Variants in KCNC2 observed in about 807,000 individuals in gnomAD.
KCNC2 encodes potassium voltage-gated channel subfamily C member 2.
A neutral mutation model predicts 44.5 loss-of-function variants in KCNC2; 21 were observed. The ratio of observed to expected loss-of-function variants is 0.47; its 90% CI spans 0.33 to 0.68. The LOEUF is 0.68. Ranked by LOEUF, KCNC2 falls within the 30% of genes least tolerant of loss-of-function variation. The probability of loss-of-function intolerance (pLI) is 0.01; values close to 1 mark genes in which losing one functional copy is unlikely to be tolerated. For synonymous variants in KCNC2, 391 were observed against 339.1 expected (o/e 1.15, Z -1.68); for missense variants, 589 against 826.2 (o/e 0.71, Z 3.52).
intron 2 of KCNC2, among the ~76,000 whole-genome samples, chr12:75,069,527 C>T (rs1211137904): frequency 6.6e-6 from 1 of 152,086 alleles, no homozygotes; most frequent in African/African-American, 2.4e-5. Flanking sequence ...TAAGATTTCA[C>T]CATACGATAT....
At chr12:75,060,212 TC>T (rs1417390645) in intron 2 of KCNC2, among the ~76,000 whole-genome samples, 2 of 152,118 alleles carry the variant, frequency 1.3e-5, no homozygotes, top group Admixed American at 6.6e-5. Flanking sequence ...GAATCCTTTT[TC>T]TTCCCCAACA....
intron 2 of KCNC2, among the ~76,000 whole-genome samples, chr12:75,115,826 T>C (rs1393817996): frequency 1.3e-5 from 2 of 152,156 alleles, no homozygotes; most frequent in Non-Finnish European, 2.9e-5. Context: ...ATGAGAGCTC[T>C]GGACACCCTC....
chr12:75,181,965 G>A (rs1366018770), intron 2 of KCNC2, among the ~76,000 whole-genome samples: 1 of 76,010 alleles, frequency 1.3e-5, no homozygotes, highest in South Asian at 4.9e-4. Flanking sequence ...GTAGAGACAA[G>A]GCTTCACCAT....
At chr12:75,158,912 C>T (rs1890937111) in intron 2 of KCNC2, among the ~76,000 whole-genome samples, 1 of 148,966 alleles carries the variant, frequency 6.7e-6, no homozygotes, top group Non-Finnish European at 1.5e-5. Flanking sequence ...AGTTATGCAA[C>T]AGGGATGACA....
chr12:75,136,651 T>A (rs1263705633), intron 2 of KCNC2, among the ~76,000 whole-genome samples: 16 of 151,848 alleles, frequency 1.1e-4, no homozygotes, highest in Admixed American at 9.8e-4. Flanking sequence ...AGACCAATAA[T>A]GAGTAATAAG....
chr12:75,050,498 C>A lies in KCNC2; in HGVS notation c.1507G>T (p.Ala503Ser). The A allele has an allele frequency of 6.2e-7, 1 of 1,613,578 alleles. No individual in the cohort carries two copies. The change falls in exon 3 of 5, where the codon GCA becomes TCA. Residue 503 changes from alanine (A) to serine (S), a missense_variant. Physicochemically the swap from Ala to Ser is moderately conservative, Grantham distance 99. Around this residue, in one of 7 missense-constraint regions of KCNC2, gnomAD observed 171 missense variants for 182.4 expected, o/e 0.94. Coordinates refer to ENST00000549446, the MANE Select transcript of KCNC2 (RefSeq NM_139137.4). ...GTCTTGCAAAAAGTAGGTGAGCTTG[C>A]CTGAGGAGCAGGAGGGATGTGCTTC... ...RKKHIPPAPQASSPTFCKTEL... is the reference protein window; with the variant it reads ...RKKHIPPAPQSSSPTFCKTEL...
intron 2 of KCNC2, among the ~76,000 whole-genome samples, chr12:75,072,657 A>G (rs1162149953): frequency 6.6e-6 from 1 of 152,166 alleles, no homozygotes; most frequent in Non-Finnish European, 1.5e-5. Context: ...GTCACTTAGT[A>G]TTAACTTTTC....
chr12:75,208,101 G>T, intron 1 of KCNC2, 99 bp from the exon 2 acceptor site: 2 of 1,431,090 alleles, frequency 1.4e-6, no homozygotes, highest in South Asian at 2.4e-5. Context: ...GGGATGCAGA[G>T]TTGGCAGACA....
At chr12:75,177,405 G>A (rs1189379441) in intron 2 of KCNC2, among the ~76,000 whole-genome samples, 1 of 151,908 alleles carries the variant, frequency 6.6e-6, no homozygotes, top group East Asian at 1.9e-4. Flanking sequence ...GAATTGGAAG[G>A]AACTTTTGGA....
chr12:75,147,481 A>C (rs1034238946), intron 2 of KCNC2, among the ~76,000 whole-genome samples: 3 of 152,216 alleles, frequency 2.0e-5, no homozygotes, highest in Non-Finnish European at 1.5e-5. Context: ...TGTGAAAATA[A>C]AATTAAAACA....
At chr12:75,168,776 AG>A (rs1302434665) in intron 2 of KCNC2, among the ~76,000 whole-genome samples, 1 of 151,602 alleles carries the variant, frequency 6.6e-6, no homozygotes, top group Non-Finnish European at 1.5e-5. Context: ...AGTCTATGAA[AG>A]TGACTTAGAA....
At chr12:75,154,918 A>T (rs1430481853) in intron 2 of KCNC2, among the ~76,000 whole-genome samples, 2 of 151,718 alleles carry the variant, frequency 1.3e-5, no homozygotes, top group Admixed American at 1.3e-4. Flanking sequence ...TGAAAAACTA[A>T]TTTTTTTTCT....
At chr12:75,062,667 A>AT (rs940929653) in intron 2 of KCNC2, among the ~76,000 whole-genome samples, 1 of 151,856 alleles carries the variant, frequency 6.6e-6, no homozygotes, top group African/African-American at 2.4e-5. Flanking sequence ...TTTCAGCTAG[A>AT]TTTTTTTTAA....
intron 2 of KCNC2, among the ~76,000 whole-genome samples, chr12:75,172,037 G>A (rs908155350): frequency 3.3e-5 from 5 of 151,618 alleles, no homozygotes; most frequent in African/African-American, 9.7e-5. Context: ...AAAATAAATA[G>A]CCATCACCAT....
At chr12:75,155,277 C>G (rs1334634044) in intron 2 of KCNC2, among the ~76,000 whole-genome samples, 5 of 151,808 alleles carry the variant, frequency 3.3e-5, no homozygotes, top group African/African-American at 1.2e-4. Context: ...GTGATGAATT[C>G]AAGTTTTCTC....
At chr12:75,112,670 A>G (rs542364732) in intron 2 of KCNC2, among the ~76,000 whole-genome samples, 7 of 152,058 alleles carry the variant, frequency 4.6e-5, no homozygotes, top group Non-Finnish European at 8.8e-5. Flanking sequence ...GAACTGTATT[A>G]GTAAGAAATA....
chr12:75,207,303 G>A lies in KCNC2; in HGVS notation c.681C>T (p.Ala227=), dbSNP rs139605727. ...ALFEDPYSSR[A]ARFIAFASLF... ...GGGTCGATTCTGGCCTTACCCTGGC[G>A]GCTCTGGACGAGTAGGGGTCTTCGA... Residue 227 remains alanine (A), a synonymous_variant, in exon 2 of 5, where the codon GCC becomes GCT. Transcript: ENST00000549446. The surrounding 1 kb of genome is among the most constrained non-coding windows in gnomAD (Gnocchi z 4.1). The A allele has an allele frequency of 1.3e-4, 195 of 1,540,170 alleles. No homozygotes were observed. The African/African-American group carries it at 2.4e-3, about 19-fold the overall frequency.
At chr12:75,055,955 C>T (rs138547493) in intron 2 of KCNC2, among the ~76,000 whole-genome samples, 200 of 152,076 alleles carry the variant, frequency 1.3e-3, no homozygotes, top group African/African-American at 4.8e-3. Flanking sequence ...ATAACATATT[C>T]ACAAATGCTT....
At chr12:75,170,570 C>A (rs2168902) in intron 2 of KCNC2, among the ~76,000 whole-genome samples, 20,342 of 151,774 alleles carry the variant, frequency 0.13, 1,849 homozygotes, top group Admixed American at 0.22. Flanking sequence ...AAAAAAAGTT[C>A]TTTAATTACA....
Sources: allele counts gnomAD v4.1 joint callset (sites outside exome capture counted in the v4.1 genomes callset), GRCh38; gene constraint gnomAD v4.1.1; regional missense constraint gnomAD v4.1.1; non-coding constraint Gnocchi (gnomAD v3.1); transcripts MANE v1.5; gene names NCBI Gene and HGNC (gene_info 2026-07-23, HGNC 2026-07-21).